The following NXPH1 variants were observed in gnomAD, a reference collection of about 807,000 sequenced individuals.
The protein encoded by NXPH1 is neurexophilin 1, also known as neurexophilin-1.
In NXPH1, 5 loss-of-function variants were observed where a neutral mutation model predicts 23.7. The ratio of observed to expected loss-of-function variants is 0.21; its 90% CI spans 0.11 to 0.44. The LOEUF is 0.44. Among genes scored for constraint, NXPH1 ranks in the 20% least tolerant of loss-of-function variants. NXPH1 has a pLI of 0.99. For missense variants in NXPH1, 324 were observed against 321.6 expected, an observed-to-expected ratio of 1.01 and a Z score of -0.06; for synonymous variants, 144 against 122.2, an observed-to-expected ratio of 1.18 and a Z score of -1.18.
chr7:8,532,560 G>GA (rs765502763), intron 2 of NXPH1, among the ~76,000 whole-genome samples: 30 of 151,842 alleles, frequency 2.0e-4, no homozygotes, highest in South Asian at 6.3e-4. Flanking sequence ...CTCCTTTCTG[G>GA]AAAAAAGTGA....
At chr7:8,547,527 A>G (rs1584224999) in intron 2 of NXPH1, among the ~76,000 whole-genome samples, 1 of 151,516 alleles carries the variant, frequency 6.6e-6, no homozygotes, top group South Asian at 2.1e-4. Context: ...TGGTACAGGT[A>G]CAGGTTTGTT....
intron 2 of NXPH1, among the ~76,000 whole-genome samples, chr7:8,478,873 C>T (rs1179686248): frequency 1.3e-5 from 2 of 151,848 alleles, no homozygotes; most frequent in African/African-American, 4.8e-5. Flanking sequence ...AAAATATGAG[C>T]CAAAGATTTT....
intron 2 of NXPH1, among the ~76,000 whole-genome samples, chr7:8,656,454 AG>A (rs1820583047): frequency 6.6e-6 from 1 of 152,086 alleles, no homozygotes; most frequent in Admixed American, 6.5e-5. Context: ...ATAGACTCAA[AG>A]AAATGATGCA....
chr7:8,717,607 G>A (rs1248922581), intron 2 of NXPH1, among the ~76,000 whole-genome samples: 1 of 152,086 alleles, frequency 6.6e-6, no homozygotes, highest in African/African-American at 2.4e-5. Context: ...CCAGAATAAA[G>A]GTGCCTTCAC....
intron 2 of NXPH1, among the ~76,000 whole-genome samples, chr7:8,573,545 G>A (rs1002920487): frequency 3.4e-4 from 52 of 152,092 alleles, no homozygotes; most frequent in African/African-American, 9.9e-4. Context: ...GGAATATTTT[G>A]GAGCATAATG....
At chr7:8,446,043 A>G (rs975954176) in intron 2 of NXPH1, among the ~76,000 whole-genome samples, 1 of 152,250 alleles carries the variant, frequency 6.6e-6, no homozygotes, top group African/African-American at 2.4e-5. Context: ...AACAGCTTAT[A>G]TAAAATTAAT....
chr7:8,483,512 T>A (rs1817108441), intron 2 of NXPH1, among the ~76,000 whole-genome samples: 1 of 152,054 alleles, frequency 6.6e-6, no homozygotes, highest in Non-Finnish European at 1.5e-5. Flanking sequence ...TTTCCCTATG[T>A]TGCCCAGGCT....
intron 2 of NXPH1, among the ~76,000 whole-genome samples, chr7:8,704,818 T>C (rs1387576983): frequency 2.0e-5 from 3 of 151,646 alleles, no homozygotes; most frequent in Non-Finnish European, 2.9e-5. Context: ...CAGTGAAGGG[T>C]CCTGGCCTCT....
Position 8,464,732 on chromosome 7 carries a change from A to G in NXPH1, c.54+28965A>G, listed in dbSNP as rs1322670044. On this transcript the variant is annotated intron_variant, in intron 2 of 2. Transcript: ENST00000405863. ...GAGTTTAGTGGAGTGAGAGGCACAG[A>G]GCAAATGTGTAATGCGTGTAGTGTT... Among the ~76,000 whole-genome samples, 6 of 150,918 alleles carry G rather than the reference A, an allele frequency of 4.0e-5. No homozygotes were observed. In the Admixed American group the frequency reaches 4.0e-4, roughly 10 times the overall value.
Position 8,645,185 on chromosome 7 carries a change from T to C in NXPH1, c.55-105823T>C, listed in dbSNP as rs546815407. ...AAAGAATTCTTACGGTTTATACAAA[T>C]AGGGTTAGAATGATTGAGTCATGAA... On this transcript the variant is annotated intron_variant, in intron 2 of 2. Coordinates refer to ENST00000405863, the MANE Select transcript of NXPH1 (RefSeq NM_152745.3). 2.6e-5 allele frequency among the ~76,000 whole-genome samples: 4 copies of C among 152,308 alleles called. No homozygotes were observed. The South Asian group carries it at 6.2e-4, about 24-fold the overall frequency.
In NXPH1 at chr7:8,435,436, C is replaced by A; in HGVS notation, c.-110-168C>A. 5.8e-6 allele frequency: 3 copies of A among 521,036 alleles called. No homozygotes were observed. Among genetic ancestry groups the A allele is most frequent in the East Asian group, 3.5e-5 (1 of 28,942 alleles). The allele number at this position is 521,036 out of a possible 1,614,324, so 32.3% of individuals were successfully genotyped here. ...CCCGCCTCCCCAGCTGCGGACCGCG[C>A]GCTTGCTGGTCTCAGGCGCTGGATT... On this transcript the variant is annotated intron_variant, in intron 1 of 2. Coordinates refer to ENST00000405863, the MANE Select transcript of NXPH1 (RefSeq NM_152745.3). The surrounding 1 kb of genome is among the most constrained non-coding windows in gnomAD (Gnocchi z 5.9).
At chr7:8,702,490 G>A (rs1316005158) in intron 2 of NXPH1, among the ~76,000 whole-genome samples, 3 of 152,052 alleles carry the variant, frequency 2.0e-5, no homozygotes, top group African/African-American at 7.2e-5. Context: ...TCCATGGGAG[G>A]CTAGTCATGG....
At chr7:8,504,623 T>C (rs1817491816) in intron 2 of NXPH1, among the ~76,000 whole-genome samples, 1 of 152,080 alleles carries the variant, frequency 6.6e-6, no homozygotes, top group South Asian at 2.1e-4. Flanking sequence ...AGAAATCACA[T>C]GCTCTGCATT....
At chr7:8,707,947 T>C (rs1253738023) in intron 2 of NXPH1, among the ~76,000 whole-genome samples, 1 of 152,194 alleles carries the variant, frequency 6.6e-6, no homozygotes, top group Non-Finnish European at 1.5e-5. Flanking sequence ...AAGCTTTTTT[T>C]TCTTTTGAAA....
At chr7:8,493,206 T>C (rs144136236) in intron 2 of NXPH1, among the ~76,000 whole-genome samples, 1 of 152,004 alleles carries the variant, frequency 6.6e-6, no homozygotes, top group African/African-American at 2.4e-5. Flanking sequence ...CCCCAAATAA[T>C]GTGAGGACAA....
At chr7:8,744,361 A>G (rs1780432384) in intron 2 of NXPH1, among the ~76,000 whole-genome samples, 1 of 152,132 alleles carries the variant, frequency 6.6e-6, no homozygotes, top group Non-Finnish European at 1.5e-5. Flanking sequence ...TCATTATAAT[A>G]TTATAGAAAA....
At chr7:8,702,668 T>C (rs772424586) in intron 2 of NXPH1, among the ~76,000 whole-genome samples, 4 of 152,168 alleles carry the variant, frequency 2.6e-5, no homozygotes, top group Non-Finnish European at 4.4e-5. Flanking sequence ...TATAATTATA[T>C]AGTTCTTTAT....
rs149426258 is a variant in NXPH1, at chr7:8,725,527, C to T, written c.55-25481C>T. On this transcript the variant is annotated intron_variant, in intron 2 of 2. Coordinates refer to ENST00000405863, the MANE Select transcript of NXPH1 (RefSeq NM_152745.3). ...AAAAAATCCATCGTAGGGCCTGGTA[C>T]TCTAAGTTGGATGTGTTTTTACCAC... is the stretch of plus-strand genomic sequence containing the variant. 8.7e-3 allele frequency among the ~76,000 whole-genome samples: 1,322 copies of T among 151,396 alleles called. 19 individuals are homozygous for T. Among genetic ancestry groups the T allele is most frequent in the African/African-American group, 0.029 (1,211 of 41,254 alleles).
chr7:8,493,311 G>C (rs1817282806), intron 2 of NXPH1, among the ~76,000 whole-genome samples: 1 of 152,038 alleles, frequency 6.6e-6, no homozygotes, highest in South Asian at 2.1e-4. Context: ...TAACCCTATA[G>C]CTCTGGCTAT....
Sources: gnomAD v4.1 joint callset for allele counts (sites outside exome capture counted in the v4.1 genomes callset) on GRCh38, gnomAD v4.1.1 for gene constraint, Gnocchi (gnomAD v3.1) non-coding constraint, MANE v1.5 for transcripts, NCBI Gene and HGNC (gene_info 2026-07-23, HGNC 2026-07-21) for gene names.